The following PKD1L1 variants were observed in gnomAD, a reference collection of about 807,000 sequenced individuals.
The protein encoded by PKD1L1 is polycystin 1 like 1, transient receptor potential channel interacting, also known as polycystin-1-like protein 1.
In PKD1L1, 236 loss-of-function variants were observed where a neutral mutation model predicts 323.4. The ratio of observed to expected loss-of-function variants is 0.73; its 90% confidence interval spans 0.66 to 0.81. PKD1L1 has a LOEUF of 0.81. Ranked by LOEUF, PKD1L1 falls within the 40% of genes least tolerant of loss-of-function variation. The probability of loss-of-function intolerance (pLI) is 0.00; values close to 1 mark genes in which losing one functional copy is unlikely to be tolerated. For missense variants in PKD1L1, 3,320 were observed against 3,508.0 expected, an observed-to-expected ratio of 0.95 and a Z score of 1.35; for synonymous variants, 1,344 against 1,335.0, an observed-to-expected ratio of 1.01 and a Z score of -0.15.
chr7:47,796,981 C>T (rs544670785), intron 54 of PKD1L1, among the ~76,000 whole-genome samples: 2 of 137,518 alleles, frequency 1.5e-5, no homozygotes, highest in South Asian at 4.8e-4. Flanking sequence ...GCCTGGGCGA[C>T]AGAGCAAGAC....
At chr7:47,788,578 T>TA (rs372725570) in intron 56 of PKD1L1, among the ~76,000 whole-genome samples, 17,009 of 71,452 alleles carry the variant, frequency 0.24, 1,279 homozygotes, top group African/African-American at 0.41. Flanking sequence ...TATATATATA[T>TA]TTTTTTTTTT....
intron 37 of PKD1L1, 86 bp downstream of exon 37, chr7:47,836,833 CTG>C: frequency 2.1e-6 from 3 of 1,439,908 alleles, no homozygotes; most frequent in Non-Finnish European, 2.8e-6. Context: ...TCTCGGAGAA[CTG>C]TGAGCTTTGT....
At chr7:47,915,405 G>A (rs767693260) in intron 8 of PKD1L1, 27 bp downstream of exon 8, 3 of 799,140 alleles carry the variant, frequency 3.8e-6, no homozygotes, top group Non-Finnish European at 6.9e-6. Context: ...CACTCCTTGT[G>A]GCCTCTTTTT....
chr7:47,775,066 G>A lies in PKD1L1; in HGVS notation c.*77C>T. ...TCAGCTCTTCTCACCTGCAAAACTA[G>A]GATGTCTGCTAAAATTGGCTGTTGG... On this transcript the variant is annotated 3_prime_UTR_variant, in exon 57 of 57. Transcript: ENST00000289672. The A allele has an allele frequency of 1.3e-6, 2 of 1,502,102 alleles. No homozygotes were observed. 93.0% of individuals were successfully genotyped at this position (1,502,102 alleles called of 1,614,324 possible).
intron 55 of PKD1L1, among the ~76,000 whole-genome samples, chr7:47,794,348 C>T (rs994239059): frequency 1.3e-5 from 2 of 152,152 alleles, no homozygotes; most frequent in African/African-American, 4.8e-5. Flanking sequence ...AGACTTGGTG[C>T]CCTGTGTCCC....
intron 24 of PKD1L1, among the ~76,000 whole-genome samples, chr7:47,870,467 A>C (rs1786258885): frequency 6.6e-6 from 1 of 152,166 alleles, no homozygotes; most frequent in Non-Finnish European, 1.5e-5. Context: ...GGATTATAGG[A>C]GAACACCATA....
At chr7:47,819,642 A>AT in intron 46 of PKD1L1, 50 of 1,162,540 alleles carry the variant, frequency 4.3e-5, no homozygotes, top group Non-Finnish European at 5.5e-5. Flanking sequence ...AATGCTCAGC[A>AT]GAAAAAAAAA....
intron 4 of PKD1L1, 99 bp downstream of exon 4, chr7:47,936,746 AG>A (rs1787874247): frequency 1.1e-6 from 1 of 910,402 alleles, no homozygotes; most frequent in South Asian, 1.5e-5. Context: ...CGGGCCATGT[AG>A]GAACAAGCAT....
intron 16 of PKD1L1, among the ~76,000 whole-genome samples, chr7:47,890,230 G>A (rs1786780583): frequency 6.6e-6 from 1 of 152,218 alleles, no homozygotes; most frequent in South Asian, 2.1e-4. Flanking sequence ...CAAGCCCCAG[G>A]AGAGTCCCCG....
At chr7:47,819,686 AC>A in intron 46 of PKD1L1, 1 of 784,396 alleles carries the variant, frequency 1.3e-6, no homozygotes, top group East Asian at 6.4e-5. Flanking sequence ...GCTACAGAAC[AC>A]CCAGACTCAT....
chr7:47,872,129 A>G (rs773310390), intron 24 of PKD1L1, among the ~76,000 whole-genome samples: 2 of 152,200 alleles, frequency 1.3e-5, no homozygotes, highest in African/African-American at 2.4e-5. Flanking sequence ...ACAAATCCCT[A>G]TGAAAATCCC....
intron 1 of PKD1L1, among the ~76,000 whole-genome samples, chr7:47,947,578 C>A (rs770201214): frequency 7.9e-5 from 12 of 152,254 alleles, no homozygotes; most frequent in Non-Finnish European, 1.8e-4. Flanking sequence ...TGTCACACTG[C>A]CATGAGACAG....
Position 47,837,072 on chromosome 7 carries a change from T to G in PKD1L1, c.5792A>C (p.Glu1931Ala). 1 of 1,614,080 alleles carries G rather than the reference T, an allele frequency of 6.2e-7. No homozygotes were observed. Among genetic ancestry groups the G allele is most frequent in the Non-Finnish European group, 8.5e-7 (1 of 1,179,948 alleles). The part of the protein sequence containing the change: ...FRKLFYCKFT[E>A]YLEDFHVWLS... ...CCAGACATGGAAATCCTCCAGGTAC[T>G]CTGTGAACTTGCAATAGAAAAGCTG... Residue 1931 changes from glutamate to alanine, a missense_variant, in exon 37 of 57, where the codon GAG becomes GCG. Coordinates refer to ENST00000289672, the MANE Select transcript of PKD1L1 (RefSeq NM_138295.5).
At position 47,904,448 on chromosome 7, in the gene PKD1L1, C is replaced by G; in HGVS notation, c.1861G>C (p.Ala621Pro). The change falls in exon 12 of 57, where the codon GCC (alanine) becomes CCC (proline). Residue 621 changes from alanine to proline, a missense_variant. By Grantham distance (27) the Ala-to-Pro change is conservative. Transcript: ENST00000289672. ...ECWINFGTDV[A>P]YLWDFGDGTV... Reference sequence around the variant, plus strand: ...CCATCCCCAAAGTCCCACAGGTAGGCAACATCTGTGCCGAAGTTGATCCAG... The same window carrying G: ...CCATCCCCAAAGTCCCACAGGTAGGGAACATCTGTGCCGAAGTTGATCCAG... 6.2e-7 allele frequency: 1 copy of G among 1,614,180 alleles called. No homozygotes were observed. The highest frequency in any genetic ancestry group is 8.5e-7 in the Non-Finnish European group (1 of 1,180,040).
intron 26 of PKD1L1, among the ~76,000 whole-genome samples, chr7:47,860,250 G>C (rs1398372458): frequency 6.6e-6 from 1 of 152,134 alleles, no homozygotes; most frequent in African/African-American, 2.4e-5. Context: ...ATGTCTACGA[G>C]ACAAAGTCAG....
chr7:47,853,229 T>C lies in PKD1L1; in HGVS notation c.4860-2A>G, dbSNP rs1785820743. 6.3e-7 allele frequency: 1 copy of C among 1,596,070 alleles called. No individual in the cohort carries two copies. The highest frequency in any genetic ancestry group is 1.3e-5 in the African/African-American group (1 of 74,476). Reference sequence around the variant, plus strand: ...GAGGGAGTAGGTTTCTCAGAGAATCTAGGAGATAAAAACAAAATAGGGATT... The same window carrying C: ...GAGGGAGTAGGTTTCTCAGAGAATCCAGGAGATAAAAACAAAATAGGGATT... On this transcript the variant is annotated splice_acceptor_variant, in intron 30 of 56. Transcript: ENST00000289672. LOFTEE classifies it high-confidence loss of function.
chr7:47,884,622 T>C lies in PKD1L1; in HGVS notation c.3241A>G (p.Ile1081Val). The C allele has an allele frequency of 6.2e-7, 1 of 1,614,062 alleles. No homozygotes were observed. Among genetic ancestry groups the C allele is most frequent in the South Asian group, 1.1e-5 (1 of 91,082 alleles). The stretch of plus-strand genomic sequence containing the variant: ...CCTGGCTGTCTTCCTCCCGATGGTA[T>C]TGCTTCTTGAATGTCACTGTAATAG... ...EAYYSDIQEA[I>V]PSGGRQPAKD... is the part of the protein sequence containing the mutation. The change falls in exon 19 of 57, where the codon ATA becomes GTA. Residue 1081 changes from isoleucine to valine, a missense_variant. By Grantham distance (29) the Ile-to-Val change is conservative (BLOSUM62 3). Coordinates refer to ENST00000289672, the MANE Select transcript of PKD1L1 (RefSeq NM_138295.5).
At position 47,894,079 on chromosome 7, in the gene PKD1L1, C is replaced by A. The variant is rs985396579; in HGVS notation, c.2272-20G>T. On this transcript the variant is annotated intron_variant, in intron 14 of 56. Transcript: ENST00000289672. ...CTGAACCTGCAGGGGCAAGGAAGGACAGGGGATGTCATGCAGGGACAAGGC... is the reference window on the plus strand; with the variant it reads ...CTGAACCTGCAGGGGCAAGGAAGGAAAGGGGATGTCATGCAGGGACAAGGC... 1 of 1,528,184 alleles carries A rather than the reference C, an allele frequency of 6.5e-7. No homozygotes were observed. Among genetic ancestry groups the A allele is most frequent in the Non-Finnish European group, 8.8e-7 (1 of 1,137,614 alleles). 94.7% of individuals were successfully genotyped at this position (1,528,184 alleles called of 1,614,324 possible).
At chr7:47,950,177 C>A, upstream of PKD1L1, among the ~76,000 whole-genome samples, 1 of 152,204 alleles carries the variant, frequency 6.6e-6, no homozygotes, top group East Asian at 1.9e-4. Flanking sequence ...CCTGTCAAAT[C>A]TAAACAGAGT....
Sources: allele counts gnomAD v4.1 joint callset (sites outside exome capture counted in the v4.1 genomes callset), GRCh38; gene constraint gnomAD v4.1.1; transcripts MANE v1.5; gene names NCBI Gene and HGNC (gene_info 2026-07-23, HGNC 2026-07-21).